Variants in ZBTB20 observed in about 807,000 individuals in gnomAD.
ZBTB20 encodes zinc finger and BTB domain containing 20.
In ZBTB20, 9 loss-of-function variants were observed where a neutral mutation model predicts 56.9. That is an observed-to-expected ratio of 0.16 (90% CI 0.10 to 0.28). The LOEUF (loss-of-function observed/expected upper bound fraction) is 0.28. Among genes scored for constraint, ZBTB20 ranks in the 10% least tolerant of loss-of-function variants. The probability of loss-of-function intolerance (pLI) is 1.00; values close to 1 mark genes in which losing one functional copy is unlikely to be tolerated. For missense variants in ZBTB20, 655 were observed against 1,003.0 expected (o/e 0.65, Z 4.69); for synonymous variants, 417 against 420.7 (o/e 0.99, Z 0.11).
At chr3:114,530,858 G>A (rs896682607) in intron 6 of ZBTB20, among the ~76,000 whole-genome samples, 4 of 151,868 alleles carry the variant, frequency 2.6e-5, no homozygotes, top group African/African-American at 9.7e-5. Flanking sequence ...AATAATACTG[G>A]CCTAATTTCC....
intron 3 of ZBTB20, among the ~76,000 whole-genome samples, chr3:114,943,940 C>G (rs1266175939): frequency 1.5e-5 from 2 of 135,434 alleles, no homozygotes; most frequent in African/African-American, 6.1e-5. Context: ...GTTTGTAAAA[C>G]TATTTAAAAA....
At chr3:114,807,133 A>T (rs1353153736) in intron 4 of ZBTB20, among the ~76,000 whole-genome samples, 2 of 151,984 alleles carry the variant, frequency 1.3e-5, no homozygotes, top group Non-Finnish European at 2.9e-5. Flanking sequence ...AAACGCCTTT[A>T]TTCTTTTTGA....
Position 114,755,904 on chromosome 3 carries a change from G to T in ZBTB20, c.-343+45197C>A, listed in dbSNP as rs531024114. 2.6e-5 allele frequency among the ~76,000 whole-genome samples: 4 copies of T among 152,212 alleles called. No homozygotes were observed. In the South Asian group the frequency reaches 8.3e-4, roughly 32 times the overall value. On this transcript the variant is annotated intron_variant, in intron 5 of 11. Coordinates refer to ENST00000675478, the MANE Select transcript of ZBTB20 (RefSeq NM_001348800.3). ...AAATTATTTTCTTATGCTTATGGAT[G>T]TTACAAACTGTGTAACAAGCTTTTC...
At chr3:114,492,551 C>T (rs2042864101) in intron 7 of ZBTB20, among the ~76,000 whole-genome samples, 1 of 152,282 alleles carries the variant, frequency 6.6e-6, no homozygotes, top group South Asian at 2.1e-4. Flanking sequence ...TCAGTTCCAT[C>T]AATTTCCTCC....
At chr3:114,348,296 T>A (rs2080360043) in intron 11 of ZBTB20, among the ~76,000 whole-genome samples, 1 of 152,180 alleles carries the variant, frequency 6.6e-6, no homozygotes, top group Admixed American at 6.5e-5. Flanking sequence ...CTCCCCCATG[T>A]TCCTTAATTT....
At chr3:114,488,237 A>G (rs1329584683) in intron 7 of ZBTB20, among the ~76,000 whole-genome samples, 1 of 152,226 alleles carries the variant, frequency 6.6e-6, no homozygotes, top group Non-Finnish European at 1.5e-5. Context: ...GCAGAGCTTG[A>G]GGTGGCCTTG....
intron 5 of ZBTB20, among the ~76,000 whole-genome samples, chr3:114,706,796 G>GAGTC (rs1427925206): frequency 2.6e-5 from 4 of 152,150 alleles, no homozygotes; most frequent in African/African-American, 9.7e-5. Context: ...TAACAAGGGT[G>GAGTC]AGTCAGGGTT....
intron 7 of ZBTB20, among the ~76,000 whole-genome samples, chr3:114,418,192 C>T (rs191920988): frequency 6.6e-6 from 1 of 152,186 alleles, no homozygotes; most frequent in African/African-American, 2.4e-5. Context: ...CTGCATACCT[C>T]ACAATTCTTT....
At chr3:114,996,518 C>T (rs1321463004) in intron 2 of ZBTB20, among the ~76,000 whole-genome samples, 1 of 151,920 alleles carries the variant, frequency 6.6e-6, no homozygotes, top group Non-Finnish European at 1.5e-5. Context: ...TCATCCATGT[C>T]CCTGCAAAGA....
At chr3:114,545,753 G>T (rs1464395976) in intron 6 of ZBTB20, among the ~76,000 whole-genome samples, 2 of 152,128 alleles carry the variant, frequency 1.3e-5, no homozygotes, top group East Asian at 3.9e-4. Flanking sequence ...TCAAATCTTA[G>T]ATCTGAACCA....
intron 5 of ZBTB20, among the ~76,000 whole-genome samples, chr3:114,753,503 C>T (rs2067768949): frequency 6.9e-6 from 1 of 145,706 alleles, no homozygotes; most frequent in Non-Finnish European, 1.5e-5. Flanking sequence ...GGAGCGATCT[C>T]AGCTCACTGC....
chr3:114,621,505 T>C (rs2058317497), intron 6 of ZBTB20, among the ~76,000 whole-genome samples: 1 of 152,212 alleles, frequency 6.6e-6, no homozygotes, highest in Non-Finnish European at 1.5e-5. Flanking sequence ...GTTTTTAAAA[T>C]ATATGTCTTT....
Position 114,466,935 on chromosome 3 carries a change from C to A in ZBTB20, c.-255+33417G>T, listed in dbSNP as rs566959255. 5.3e-5 allele frequency among the ~76,000 whole-genome samples: 8 copies of A among 152,288 alleles called. No homozygotes were observed. The South Asian group carries it at 1.7e-3, about 32-fold the overall frequency. On this transcript the variant is annotated intron_variant, in intron 7 of 11. Transcript: ENST00000675478. ...TAGGTTTCAGTGACTTGAGGAATAT[C>A]ATTTGCTATTCAGCGGTGGACACTG...
intron 4 of ZBTB20, among the ~76,000 whole-genome samples, chr3:114,860,410 A>G (rs1306188257): frequency 1.3e-5 from 2 of 152,218 alleles, no homozygotes; most frequent in African/African-American, 2.4e-5. Flanking sequence ...AATCCCTAGT[A>G]TATCAAACAC....
chr3:114,730,270 T>C (rs1128762), intron 5 of ZBTB20, among the ~76,000 whole-genome samples: 92,448 of 151,892 alleles, frequency 0.61, 31,958 homozygotes, highest in Non-Finnish European at 0.77. Flanking sequence ...CAACAGGATA[T>C]ACATAACTGC....
intron 6 of ZBTB20, chr3:114,519,806 T>C (rs922451684): frequency 2.2e-4 from 34 of 152,292 alleles, no homozygotes; most frequent in African/African-American, 8.2e-4. Flanking sequence ...CCATACATTC[T>C]AGAAAACTGG....
At chr3:114,629,351 A>G (rs2058812611) in intron 6 of ZBTB20, among the ~76,000 whole-genome samples, 1 of 152,222 alleles carries the variant, frequency 6.6e-6, no homozygotes, top group Non-Finnish European at 1.5e-5. Flanking sequence ...TAGCATTAAT[A>G]ATCTACAAAT....
intron 1 of ZBTB20, among the ~76,000 whole-genome samples, chr3:115,136,318 C>T (rs536709988): frequency 2.0e-5 from 3 of 152,048 alleles, no homozygotes; most frequent in Admixed American, 6.6e-5. Context: ...AATAAGTAAA[C>T]GGATAGCCTA....
chr3:115,120,299 G>GT (rs1039798003), intron 1 of ZBTB20, among the ~76,000 whole-genome samples: 23 of 151,906 alleles, frequency 1.5e-4, no homozygotes. Flanking sequence ...GAAAATCTCC[G>GT]TATCTTATGC....
Sources: gnomAD v4.1 joint callset for allele counts (sites outside exome capture counted in the v4.1 genomes callset) on GRCh38, gnomAD v4.1.1 for gene constraint, MANE v1.5 for transcripts, NCBI Gene and HGNC (gene_info 2026-07-23, HGNC 2026-07-21) for gene names.